Variants in EPHB1 observed in about 807,000 individuals in gnomAD.
The protein encoded by EPHB1 is EPH receptor B1.
A neutral mutation model predicts 94.4 loss-of-function variants in EPHB1; 30 were observed. The observed-to-expected ratio is 0.32, with a 90% CI of 0.24 to 0.43. The LOEUF (loss-of-function observed/expected upper bound fraction) is 0.43, where lower values mean the gene tolerates loss of function less well. Among genes scored for constraint, EPHB1 ranks in the 20% least tolerant of loss-of-function variants. EPHB1 has a pLI of 1.00. For synonymous variants in EPHB1, 522 were observed against 489.1 expected (o/e 1.07, Z -0.89); for missense variants, 1,055 against 1,308.3 (o/e 0.81, Z 2.99).
At chr3:135,041,444 G>T (rs1303395866) in intron 3 of EPHB1, among the ~76,000 whole-genome samples, 1 of 152,124 alleles carries the variant, frequency 6.6e-6, no homozygotes, top group Admixed American at 6.5e-5. Context: ...TCAAATGCAG[G>T]TATTCCAACT....
intron 1 of EPHB1, among the ~76,000 whole-genome samples, chr3:134,906,460 C>T (rs2038331758): frequency 6.6e-6 from 1 of 151,988 alleles, no homozygotes; most frequent in Middle Eastern, 3.2e-3. Flanking sequence ...TTTAATTGTA[C>T]AATAAAATAA....
In EPHB1 at chr3:135,039,547, T is replaced by C. The variant is rs536861383; in HGVS notation, c.806-66901T>C. ...GAGTGGGTGGGAGGCTCAGGCATGG[T>C]GGGCTGCAGGTCCCGAGCCCTGCCC... On this transcript the variant is annotated intron_variant, in intron 3 of 15. Transcript: ENST00000398015. Among the ~76,000 whole-genome samples, 440 of 152,300 alleles carry C rather than the reference T, an allele frequency of 2.9e-3. 1 individual carries two copies. The highest frequency in any genetic ancestry group is 4.4e-3 in the Non-Finnish European group (296 of 68,004).
intron 9 of EPHB1, among the ~76,000 whole-genome samples, chr3:135,167,685 G>C (rs1221683025): frequency 1.3e-5 from 2 of 152,090 alleles, no homozygotes; most frequent in Non-Finnish European, 2.9e-5. Context: ...TAGGTCATTT[G>C]GGCCACCTTC....
At chr3:134,909,031 G>T (rs370965971) in intron 1 of EPHB1, among the ~76,000 whole-genome samples, 1 of 148,472 alleles carries the variant, frequency 6.7e-6, no homozygotes, top group Non-Finnish European at 1.5e-5. Flanking sequence ...CCACTTTTTC[G>T]CTGGGCTGAT....
chr3:134,961,852 C>T (rs958105232), intron 3 of EPHB1, among the ~76,000 whole-genome samples: 24 of 152,184 alleles, frequency 1.6e-4, no homozygotes, highest in African/African-American at 5.8e-4. Flanking sequence ...AATGTTGCAA[C>T]AGATATCCTT....
chr3:135,256,301 T>A (rs1209497516), intron 15 of EPHB1, among the ~76,000 whole-genome samples: 1 of 152,224 alleles, frequency 6.6e-6, no homozygotes, highest in Non-Finnish European at 1.5e-5. Context: ...TTGATGCAGT[T>A]TCTTCCTAGT....
intron 10 of EPHB1, among the ~76,000 whole-genome samples, chr3:135,191,807 A>T (rs1276324642): frequency 1.3e-5 from 2 of 152,238 alleles, no homozygotes. Flanking sequence ...GTTAGCTGAC[A>T]GCCTCCAGCT....
intron 3 of EPHB1, among the ~76,000 whole-genome samples, chr3:135,031,068 C>G (rs942012662): frequency 2.6e-5 from 4 of 152,186 alleles, no homozygotes; most frequent in African/African-American, 4.8e-5. Context: ...GGCAATGTCT[C>G]GCCCTGCTTT....
intron 1 of EPHB1, among the ~76,000 whole-genome samples, chr3:134,819,912 C>G (rs890089992): frequency 6.6e-6 from 1 of 152,216 alleles, no homozygotes. Context: ...GGACACCTGT[C>G]ATGCCAATTT....
intron 3 of EPHB1, among the ~76,000 whole-genome samples, chr3:135,090,873 C>T (rs9289489): frequency 0.99 from 150,851 of 152,366 alleles, 74,692 homozygotes; most frequent in Middle Eastern, 1. Context: ...TTGAATGCTG[C>T]GTAATATCAT....
At chr3:135,204,328 CA>C (rs1276778013) in intron 12 of EPHB1, among the ~76,000 whole-genome samples, 6 of 151,732 alleles carry the variant, frequency 4.0e-5, no homozygotes, top group African/African-American at 1.5e-4. Context: ...CTCAGCCTCC[CA>C]AGTAGCTGGG....
chr3:134,895,587 A>G (rs2038071704), intron 1 of EPHB1, among the ~76,000 whole-genome samples: 1 of 152,246 alleles, frequency 6.6e-6, no homozygotes, highest in South Asian at 2.1e-4. Context: ...TTTTACGTGC[A>G]GATACAGAAT....
chr3:135,206,740 T>A (rs764589927), intron 12 of EPHB1, among the ~76,000 whole-genome samples: 4 of 152,110 alleles, frequency 2.6e-5, no homozygotes, highest in Non-Finnish European at 5.9e-5. Flanking sequence ...TCCCAGCTAC[T>A]TGGGAGGCTA....
chr3:135,183,308 T>C (rs1942240203), intron 10 of EPHB1, among the ~76,000 whole-genome samples: 1 of 143,740 alleles, frequency 7.0e-6, no homozygotes, highest in South Asian at 2.2e-4. Context: ...AGCTGGTAGT[T>C]GAACACTTAT....
At chr3:135,201,395 A>G (rs1425881606) in intron 11 of EPHB1, 79 bp from the exon 12 acceptor site, 2 of 1,453,240 alleles carry the variant, frequency 1.4e-6, no homozygotes, top group East Asian at 4.6e-5. Flanking sequence ...GCTGACAAGC[A>G]GCAGGGCCAC....
chr3:135,226,141 TG>T (rs1415908976), intron 12 of EPHB1, among the ~76,000 whole-genome samples: 4 of 152,208 alleles, frequency 2.6e-5, no homozygotes, highest in Non-Finnish European at 5.9e-5. Context: ...GAATGAGGAT[TG>T]GGGACAGCTG....
At chr3:135,129,035 G>A (rs1412280934) in intron 4 of EPHB1, among the ~76,000 whole-genome samples, 1 of 152,156 alleles carries the variant, frequency 6.6e-6, no homozygotes, top group Non-Finnish European at 1.5e-5. Context: ...AAGGGATTCA[G>A]ATTTATGTAC....
chr3:135,152,764 G>T (rs1397785837), intron 5 of EPHB1, among the ~76,000 whole-genome samples: 1 of 152,178 alleles, frequency 6.6e-6, no homozygotes, highest in African/African-American at 2.4e-5. Context: ...TTCATTGGCT[G>T]GGAGCAGCCT....
At chr3:134,979,463 A>G (rs1049676326) in intron 3 of EPHB1, among the ~76,000 whole-genome samples, 2 of 152,190 alleles carry the variant, frequency 1.3e-5, no homozygotes, top group Non-Finnish European at 2.9e-5. Context: ...TATGGTCTTC[A>G]CTTCAAGAAG....
Sources: allele counts gnomAD v4.1 joint callset (sites outside exome capture counted in the v4.1 genomes callset), GRCh38; gene constraint gnomAD v4.1.1; transcripts MANE v1.5; gene names NCBI Gene and HGNC (gene_info 2026-07-23, HGNC 2026-07-21).